LAMB3: variants seen among roughly 807,000 people sequenced by gnomAD.
LAMB3 encodes laminin subunit beta 3.
LAMB3 carries 104 observed loss-of-function variants against 140.3 expected under a neutral mutation model. The observed-to-expected ratio is 0.74, with a 90% CI of 0.63 to 0.87. The LOEUF (loss-of-function observed/expected upper bound fraction) is 0.87. Among genes scored for constraint, LAMB3 ranks in the 40% least tolerant of loss-of-function variants. LAMB3 has a pLI of 0.00. For missense variants in LAMB3, 1,531 were observed against 1,575.2 expected, an observed-to-expected ratio of 0.97 and a Z score of 0.47; for synonymous variants, 592 against 602.9, an observed-to-expected ratio of 0.98 and a Z score of 0.26.
chr1:209,629,811 T>C lies in LAMB3; in HGVS notation c.1058A>G (p.Lys353Arg). 6.2e-7 allele frequency: 1 copy of C among 1,613,990 alleles called. No homozygotes were observed. Among genetic ancestry groups the C allele is most frequent in the Non-Finnish European group, 8.5e-7 (1 of 1,180,046 alleles). ...CDNCRDHTEGKNCERCQLHYF... is the reference protein window; with the variant it reads ...CDNCRDHTEGRNCERCQLHYF... ...GTGCAGCTGACACCGCTCACAGTTC[T>C]TGCCTTCGGTGTGGTCCCGGCAATT... Residue 353 changes from lysine (K) to arginine (R), a missense_variant, in exon 10 of 23, where the codon AAG (lysine) becomes AGG (arginine). Lys to Arg is a conservative substitution (Grantham distance 26). Coordinates refer to ENST00000356082, the MANE Select transcript of LAMB3 (RefSeq NM_000228.3).
chr1:209,621,659 G>A (rs556578554), intron 18 of LAMB3, among the ~76,000 whole-genome samples: 203 of 152,136 alleles, frequency 1.3e-3, no homozygotes, highest in Non-Finnish European at 1.9e-3. Flanking sequence ...AAATACTACC[G>A]TCCCCATTTA....
rs367836672 is a variant in LAMB3 at position 209,627,151 on chromosome 1, G to C, written c.1486-173C>G. ...CTCCCACTCAGAGATGAGCCTTGAA[G>C]TCAAGGCCCAGCATAGGCCCTTCAG... On this transcript the variant is annotated intron_variant, in intron 12 of 22. Coordinates refer to ENST00000356082, the MANE Select transcript of LAMB3 (RefSeq NM_000228.3). Among the ~76,000 whole-genome samples the C allele has an allele frequency of 4.6e-5, 7 of 152,346 alleles. No individual in the cohort carries two copies. The East Asian group carries it at 1.2e-3, about 25-fold the overall frequency.
chr1:209,626,998 T>C lies in LAMB3; in HGVS notation c.1486-20A>G. On this transcript the variant is annotated intron_variant, in intron 12 of 22. Transcript: ENST00000356082. ...TGTGAACTGCGTGGGGAGAGCACCG[T>C]CAGTGGACCCTGCCTCACAGCCTCT... 1 of 1,538,598 alleles carries C rather than the reference T, an allele frequency of 6.5e-7. No homozygotes were observed. Among genetic ancestry groups the C allele is most frequent in the Admixed American group, 1.7e-5 (1 of 58,902 alleles).
intron 3 of LAMB3, among the ~76,000 whole-genome samples, chr1:209,639,690 A>G (rs923609320): frequency 2.0e-5 from 3 of 152,114 alleles, no homozygotes; most frequent in Non-Finnish European, 4.4e-5. Flanking sequence ...CACAGATAAC[A>G]CGACCTTTTC....
intron 3 of LAMB3, among the ~76,000 whole-genome samples, chr1:209,638,943 C>T (rs2076434740): frequency 6.7e-6 from 1 of 148,190 alleles, no homozygotes; most frequent in Non-Finnish European, 1.5e-5. Context: ...ATGATATTGC[C>T]TTGCAGAGAA....
At chr1:209,644,292 G>A (rs1167557063) in intron 3 of LAMB3, among the ~76,000 whole-genome samples, 1 of 152,202 alleles carries the variant, frequency 6.6e-6, no homozygotes, top group Non-Finnish European at 1.5e-5. Context: ...ACTCAGTACA[G>A]CTGTTATTTC....
intron 19 of LAMB3, 107 bp downstream of exon 19, chr1:209,618,345 C>A: frequency 8.8e-7 from 1 of 1,131,098 alleles, no homozygotes; most frequent in Non-Finnish European, 1.3e-6. Flanking sequence ...TGGTAAGCAC[C>A]CCCTCCTGTC....
Position 209,651,065 on chromosome 1 carries a change from A to G in LAMB3, c.-37-84T>C, listed in dbSNP as rs17015004. ...CTTTTTCTTTTCTGTTTCTAGACTC[A>G]AGTATTTTTCAGAAGTCTTTACCTA... On this transcript the variant is annotated intron_variant, in intron 1 of 22. Transcript: ENST00000356082. The G allele has an allele frequency of 4.7e-4, 441 of 937,546 alleles. 3 individuals carry two copies. The African/African-American group carries it at 6.8e-3, about 14-fold the overall frequency. 58.1% of individuals were successfully genotyped at this position (937,546 alleles called of 1,614,324 possible). A position where few individuals can be genotyped will look rare whatever the true frequency, so the allele number is the denominator to read the frequency against.
intron 14 of LAMB3, 149 bp from the exon 15 acceptor site, chr1:209,624,149 G>T (rs953179975): frequency 2.1e-5 from 14 of 680,330 alleles, no homozygotes; most frequent in Middle Eastern, 4.1e-4. Flanking sequence ...GGCTAAGGGG[G>T]TTCCGCTGGA....
intron 14 of LAMB3, among the ~76,000 whole-genome samples, chr1:209,624,932 A>G (rs987952849): frequency 3.4e-5 from 5 of 148,798 alleles, no homozygotes; most frequent in Admixed American, 3.3e-4. Flanking sequence ...GGAAGGAAGG[A>G]AGGAAAAAAA....
At chr1:209,646,463 T>G (rs1343576428) in intron 3 of LAMB3, among the ~76,000 whole-genome samples, 1 of 152,192 alleles carries the variant, frequency 6.6e-6, no homozygotes. Flanking sequence ...ACATCCCTGT[T>G]ATTAGTGTCA....
chr1:209,616,601 C>G lies in LAMB3; in HGVS notation c.3252G>C (p.Lys1084Asn). Reference sequence around the variant, plus strand: ...CCAACCGGTCCTTCAACTCAGCATACTTTTGTTTTATTCTCTCAAATCCCT... The same window carrying G: ...CCAACCGGTCCTTCAACTCAGCATAGTTTTGTTTTATTCTCTCAAATCCCT... ...AQEGFERIKQ[K>N]YAELKDRLGQ... Residue 1084 changes from lysine to asparagine, a missense_variant, in exon 22 of 23, where the codon AAG (lysine) becomes AAC (asparagine). By Grantham distance (94) the Lys-to-Asn change is moderately conservative (BLOSUM62 0). Transcript: ENST00000356082. The G allele has an allele frequency of 6.2e-7, 1 of 1,614,176 alleles. No individual in the cohort carries two copies. The highest frequency in any genetic ancestry group is 8.5e-7 in the Non-Finnish European group (1 of 1,180,020).
Position 209,627,419 on chromosome 1 carries a change from G to A in LAMB3, c.1449C>T (p.Cys483=), listed in dbSNP as rs781012508. ...GTGGGCTGAGGGAGTTGTGCGGGTC[G>A]CAGGCACACGGTTCACAGCCCTGGC... ...ASGQGCEPCA[C]DPHNSLSPQC... is the part of the protein sequence containing the mutation. The change falls in exon 12 of 23, where the codon TGC becomes TGT. Residue 483 remains cysteine, a synonymous_variant. Coordinates refer to ENST00000356082, the MANE Select transcript of LAMB3 (RefSeq NM_000228.3). 3.2e-5 allele frequency: 52 copies of A among 1,613,644 alleles called. No individual in the cohort carries two copies. Among genetic ancestry groups the A allele is most frequent in the South Asian group, 3.1e-4 (28 of 91,090 alleles).
chr1:209,647,490 G>C (rs6689421), intron 3 of LAMB3, among the ~76,000 whole-genome samples: 1 of 152,146 alleles, frequency 6.6e-6, no homozygotes, highest in Non-Finnish European at 1.5e-5. Context: ...ACATCAGTAG[G>C]ATGTGGCACA....
intron 5 of LAMB3, among the ~76,000 whole-genome samples, chr1:209,635,388 TTTTG>T (rs111289650): frequency 0.1 from 15,700 of 151,590 alleles, 938 homozygotes; most frequent in African/African-American, 0.15. Context: ...ATCTTCTGTT[TTTTG>T]TTTGTTTGTT....
intron 19 of LAMB3, 40 bp downstream of exon 19, chr1:209,618,412 T>C: frequency 6.2e-7 from 1 of 1,601,654 alleles, no homozygotes; most frequent in Non-Finnish European, 8.5e-7. Flanking sequence ...AACGCCAGCT[T>C]AATCCTGGGC....
intron 18 of LAMB3, among the ~76,000 whole-genome samples, chr1:209,622,297 T>C (rs1666225530): frequency 6.6e-6 from 1 of 152,184 alleles, no homozygotes; most frequent in Non-Finnish European, 1.5e-5. Flanking sequence ...CTTATGCATT[T>C]TAAAAGAGAT....
intron 7 of LAMB3, 76 bp from the exon 8 acceptor site, chr1:209,632,852 T>C: frequency 1.4e-6 from 2 of 1,416,276 alleles, no homozygotes; most frequent in East Asian, 2.3e-5. Context: ...GCACATAGAG[T>C]CTCCTTCATA....
chr1:209,617,552 A>G lies in LAMB3; in HGVS notation c.3086T>C (p.Val1029Ala). 2 of 1,614,040 alleles carry G rather than the reference A, an allele frequency of 1.2e-6. No homozygotes were observed. The highest frequency in any genetic ancestry group is 1.7e-6 in the Non-Finnish European group (2 of 1,180,008). ...ACCCAGCTGCTTGGTCATGCTTGTC[A>G]CCAGCTTTTCTGCTGGCCGCAGTAC... ...QQVLRPAEKL[V>A]TSMTKQLGDF... Residue 1029 changes from valine (V) to alanine (A), a missense_variant, in exon 21 of 23, where the codon GTG becomes GCG. Coordinates refer to ENST00000356082, the MANE Select transcript of LAMB3 (RefSeq NM_000228.3).
Sources: gnomAD v4.1 joint callset for allele counts (sites outside exome capture counted in the v4.1 genomes callset) on GRCh38, gnomAD v4.1.1 for gene constraint, MANE v1.5 for transcripts, NCBI Gene and HGNC (gene_info 2026-07-23, HGNC 2026-07-21) for gene names.